Variants in FAM13A observed in about 807,000 individuals in gnomAD.
FAM13A encodes family with sequence similarity 13 member A.
In FAM13A, 76 loss-of-function variants were observed where a neutral mutation model predicts 129.6. The ratio of observed to expected loss-of-function variants is 0.59; its 90% CI spans 0.49 to 0.71. The LOEUF is 0.71. Ranked by LOEUF, FAM13A falls within the 30% of genes least tolerant of loss-of-function variation. The pLI, the probability that FAM13A is intolerant of heterozygous loss-of-function variation, is 0.00. For missense variants in FAM13A, 1,108 were observed against 1,249.3 expected (o/e 0.89, Z 1.70); for synonymous variants, 443 against 449.9 (o/e 0.98, Z 0.20).
At chr4:88,845,496 A>C (rs73845466) in intron 7 of FAM13A, among the ~76,000 whole-genome samples, 10,614 of 152,198 alleles carry the variant, frequency 0.07, 518 homozygotes, top group African/African-American at 0.14. Context: ...CATTTTGGAC[A>C]GAAGGGCGAG....
chr4:88,853,047 A>G lies in FAM13A; in HGVS notation c.844-1864T>C, dbSNP rs555756935. On this transcript the variant is annotated intron_variant, in intron 6 of 23. Coordinates refer to ENST00000264344, the MANE Select transcript of FAM13A (RefSeq NM_014883.4). The stretch of plus-strand genomic sequence containing the variant: ...TCAATAAAAGCTAGTTTTTATTATT[A>G]TTGTTGTTACATAAAATTTGCCCAA... 8.5e-5 allele frequency among the ~76,000 whole-genome samples: 13 copies of G among 152,312 alleles called. No homozygotes were observed. The East Asian group carries it at 1.9e-3, about 23-fold the overall frequency.
chr4:88,936,094 C>T (rs1345095988), intron 5 of FAM13A, among the ~76,000 whole-genome samples: 1 of 152,116 alleles, frequency 6.6e-6, no homozygotes, highest in South Asian at 2.1e-4. Context: ...GTATTTGGCT[C>T]CCACAGAATT....
chr4:88,822,482 G>A (rs1578822163), intron 7 of FAM13A, among the ~76,000 whole-genome samples: 1 of 152,252 alleles, frequency 6.6e-6, no homozygotes, highest in Non-Finnish European at 1.5e-5. Flanking sequence ...AAGGGGAAAT[G>A]TTATCCTTAA....
chr4:88,838,714 A>C (rs1374071690), intron 7 of FAM13A, among the ~76,000 whole-genome samples: 1 of 141,718 alleles, frequency 7.1e-6, no homozygotes, highest in Admixed American at 7.3e-5. Flanking sequence ...GCGACAGAGC[A>C]AGACTCCGTC....
chr4:88,961,384 T>TTTTTG, intron 4 of FAM13A, among the ~76,000 whole-genome samples: 1 of 109,870 alleles, frequency 9.1e-6, no homozygotes. Flanking sequence ...TTTTTTTTTT[T>TTTTTG]TGAGACTGAG....
At chr4:89,002,358 C>G (rs563583318) in intron 3 of FAM13A, among the ~76,000 whole-genome samples, 1 of 152,222 alleles carries the variant, frequency 6.6e-6, no homozygotes, top group Admixed American at 6.5e-5. Flanking sequence ...GAGGCTTAGT[C>G]TCCGGGTAAT....
intron 14 of FAM13A, among the ~76,000 whole-genome samples, chr4:88,758,060 A>G (rs1206127969): frequency 2.0e-5 from 3 of 152,176 alleles, no homozygotes; most frequent in Non-Finnish European, 2.9e-5. Flanking sequence ...ATGGATAATG[A>G]AAGAATAAGC....
At chr4:88,814,668 C>T (rs942313836) in intron 7 of FAM13A, among the ~76,000 whole-genome samples, 7 of 152,082 alleles carry the variant, frequency 4.6e-5, no homozygotes, top group African/African-American at 7.2e-5. Flanking sequence ...ACCTAGACAG[C>T]GAAATTATTT....
chr4:88,728,358 C>T lies in FAM13A; in HGVS notation c.*175G>A, dbSNP rs1736815582. The T allele has an allele frequency of 1.4e-6, 1 of 717,106 alleles. No individual in the cohort carries two copies. Among genetic ancestry groups the T allele is most frequent in the African/African-American group, 1.8e-5 (1 of 55,976 alleles). The allele number at this position is 717,106 out of a possible 1,614,324, so 44.4% of individuals were successfully genotyped here. A position where few individuals can be genotyped will look rare whatever the true frequency, so the allele number is the denominator to read the frequency against. On this transcript the variant is annotated 3_prime_UTR_variant, in exon 24 of 24. Coordinates refer to ENST00000264344, the MANE Select transcript of FAM13A (RefSeq NM_014883.4). ...CTAAGTCAGGTCACATTGTCTTCTT[C>T]CAGCCAGTTTCTAAGGCAGGCAATG...
In FAM13A at chr4:88,823,183, C is replaced by A. The variant is rs946175761; in HGVS notation, c.1008-18131G>T. 4 of 1,457,762 alleles carry A rather than the reference C, an allele frequency of 2.7e-6. No homozygotes were observed. The South Asian group carries it at 4.5e-5, about 17-fold the overall frequency. 90.3% of individuals were successfully genotyped at this position (1,457,762 alleles called of 1,614,324 possible). A position where few individuals can be genotyped will look rare whatever the true frequency, so the allele number is the denominator to read the frequency against. On this transcript the variant is annotated intron_variant, in intron 7 of 23. Coordinates refer to ENST00000264344, the MANE Select transcript of FAM13A (RefSeq NM_014883.4). Reference sequence around the variant, plus strand: ...GCCAGTCTACTGCTGCTCTCAGCCTCCAAACTTCTTCAGGCAATGCTATTT... The same window carrying A: ...GCCAGTCTACTGCTGCTCTCAGCCTACAAACTTCTTCAGGCAATGCTATTT...
chr4:88,982,987 G>A (rs773929600), intron 4 of FAM13A, among the ~76,000 whole-genome samples: 7 of 152,144 alleles, frequency 4.6e-5, no homozygotes, highest in Admixed American at 1.3e-4. Context: ...AATGGGGTAA[G>A]GAGACTAAAC....
chr4:88,923,808 T>C (rs893402675), intron 5 of FAM13A, among the ~76,000 whole-genome samples: 4 of 152,018 alleles, frequency 2.6e-5, no homozygotes, highest in African/African-American at 4.8e-5. Flanking sequence ...AAAACCCCAT[T>C]GTCTCAGCCC....
intron 6 of FAM13A, among the ~76,000 whole-genome samples, chr4:88,867,312 T>G (rs1405322595): frequency 6.6e-6 from 1 of 152,234 alleles, no homozygotes; most frequent in Non-Finnish European, 1.5e-5. Context: ...ACAGCCTTCT[T>G]GTGCTTTAGA....
chr4:88,758,858 G>A lies in FAM13A; in HGVS notation c.1622C>T (p.Thr541Ile), dbSNP rs763152728. 1.9e-5 allele frequency: 30 copies of A among 1,613,982 alleles called. 1 individual carries two copies. In the South Asian group the frequency reaches 2.6e-4, roughly 14 times the overall value. The change falls in exon 14 of 24, where the codon ACC becomes ATC. Residue 541 changes from threonine to isoleucine, a missense_variant. By Grantham distance (89) the Thr-to-Ile change is moderately conservative (BLOSUM62 -1). Around this residue, in one of 3 missense-constraint regions of FAM13A, gnomAD observed 529 missense variants for 621.2 expected, o/e 0.85. Coordinates refer to ENST00000264344, the MANE Select transcript of FAM13A (RefSeq NM_014883.4). ...KIQEHPSLSD[T>I]KQQRNQDAGD... ...GGCATCTTGATTTCTCTGCTGTTTG[G>A]TGTCAGATAGGCTGGGATGCTCCTG... is the stretch of plus-strand genomic sequence containing the variant.
At chr4:88,905,198 C>T (rs2446302) in intron 6 of FAM13A, among the ~76,000 whole-genome samples, 24,446 of 151,880 alleles carry the variant, frequency 0.16, 2,145 homozygotes, top group Non-Finnish European at 0.2. Flanking sequence ...TCATTCTTGT[C>T]GCAGCTCGCT....
At chr4:88,849,319 C>T (rs770209886) in intron 7 of FAM13A, among the ~76,000 whole-genome samples, 1 of 152,182 alleles carries the variant, frequency 6.6e-6, no homozygotes, top group Non-Finnish European at 1.5e-5. Flanking sequence ...ATCTATCCTG[C>T]ACACTGATGG....
Position 88,852,337 on chromosome 4 carries a change from T to A in FAM13A, c.844-1154A>T, listed in dbSNP as rs116764808. Among the ~76,000 whole-genome samples the A allele has an allele frequency of 1.5e-3, 223 of 151,770 alleles. 1 individual carries two copies. The highest frequency in any genetic ancestry group is 5.1e-3 in the African/African-American group (211 of 41,146). ...CCAACAAGTCAGGGTAATTTTTGTA[T>A]TTTTTGTAGGGATGTGGTTTCACCA... is the stretch of plus-strand genomic sequence containing the variant. On this transcript the variant is annotated intron_variant, in intron 6 of 23. Transcript: ENST00000264344.
At chr4:88,882,388 A>T (rs1743727129) in intron 6 of FAM13A, among the ~76,000 whole-genome samples, 2 of 152,166 alleles carry the variant, frequency 1.3e-5, no homozygotes, top group African/African-American at 4.8e-5. Context: ...ACTAAGCTTC[A>T]TAAAGGAAGG....
At chr4:88,763,093 T>G (rs1377215407) in intron 13 of FAM13A, among the ~76,000 whole-genome samples, 1 of 152,210 alleles carries the variant, frequency 6.6e-6, no homozygotes, top group East Asian at 1.9e-4. Context: ...GATACTAGCT[T>G]TACTAGCTCC....
Sources: gnomAD v4.1 joint callset for allele counts (sites outside exome capture counted in the v4.1 genomes callset) on GRCh38, gnomAD v4.1.1 for gene constraint, gnomAD v4.1.1 regional missense constraint, MANE v1.5 for transcripts, NCBI Gene and HGNC (gene_info 2026-07-23, HGNC 2026-07-21) for gene names.